PRSS23: variants seen among roughly 807,000 people sequenced by gnomAD.
The protein encoded by PRSS23 is serine protease 23, also known as protease, serine 23.
Under a neutral mutation model 34.7 loss-of-function variants are expected in PRSS23, and 25 were observed. That is an observed-to-expected ratio of 0.72 (90% confidence interval 0.53 to 1.01). PRSS23 has a LOEUF of 1.01. PRSS23 is among the 50% of genes least tolerant of loss of function. The pLI, the probability that PRSS23 is intolerant of heterozygous loss-of-function variation, is 0.00. For missense variants in PRSS23, 445 were observed against 475.6 expected (o/e 0.94, Z 0.60); for synonymous variants, 176 against 186.6 (o/e 0.94, Z 0.46).
At chr11:86,900,781 C>CTCTCTCTTTTTTTTTTTTTTTTTT (rs775258446) in intron 2 of PRSS23, among the ~76,000 whole-genome samples, 1 of 94,020 alleles carries the variant, frequency 1.1e-5, no homozygotes, top group Non-Finnish European at 1.9e-5. Flanking sequence ...ATCTCTCTCT[C>CTCTCTCTTTTTTTTTTTTTTTTTT]TTTTTTTTTT....
intron 2 of PRSS23, among the ~76,000 whole-genome samples, chr11:86,939,410 A>G (rs1949188952): frequency 1.2e-5 from 1 of 85,490 alleles, no homozygotes; most frequent in South Asian, 3.5e-4. Flanking sequence ...AAAAATATAT[A>G]TATATATATA....
intron 2 of PRSS23, chr11:86,832,550 C>T: frequency 2.3e-6 from 1 of 432,708 alleles, no homozygotes; most frequent in Non-Finnish European, 4.6e-6. Flanking sequence ...ATGCAACCAC[C>T]ACAGGACCCT....
chr11:86,841,745 C>G (rs1346197727), intron 2 of PRSS23, among the ~76,000 whole-genome samples: 1 of 152,122 alleles, frequency 6.6e-6, no homozygotes, highest in African/African-American at 2.4e-5. Flanking sequence ...GAAGTTGAAT[C>G]TCTGAATAGA....
chr11:86,826,476 C>A (rs1427328100), intron 2 of PRSS23, among the ~76,000 whole-genome samples: 3 of 152,142 alleles, frequency 2.0e-5, no homozygotes, highest in African/African-American at 7.2e-5. Flanking sequence ...TAATTGAATA[C>A]CCTTTATTTC....
In PRSS23 at chr11:86,907,928, C is replaced by T. The variant is rs60524727; in HGVS notation, c.207-43288C>T. On this transcript the variant is annotated intron_variant, in intron 2 of 2. Coordinates refer to the PRSS23 transcript ENST00000533902. ...TGCAACCACCATCTATTCTCTGCTCCTACAAGTTTGACTATTTCAGATTCC... is the reference window on the plus strand; with the variant it reads ...TGCAACCACCATCTATTCTCTGCTCTTACAAGTTTGACTATTTCAGATTCC... Among the ~76,000 whole-genome samples the T allele has an allele frequency of 1.8e-3, 269 of 152,320 alleles. 1 individual carries two copies. Among genetic ancestry groups the T allele is most frequent in the African/African-American group, 6.2e-3 (259 of 41,580 alleles).
chr11:86,816,307 TA>T (rs546125949), intron 1 of PRSS23, among the ~76,000 whole-genome samples: 1 of 152,232 alleles, frequency 6.6e-6, no homozygotes, highest in Non-Finnish European at 1.5e-5. Flanking sequence ...ATGACTGAGA[TA>T]CATCCCTGTG....
intron 1 of PRSS23, chr11:86,821,622 A>G (rs776498347): frequency 1.3e-6 from 2 of 1,599,202 alleles, no homozygotes; most frequent in Non-Finnish European, 1.7e-6. Context: ...TCATACTTCC[A>G]TAACTTTCAT....
At chr11:86,949,990 T>TA (rs1365763021) in intron 2 of PRSS23, 1 of 152,290 alleles carries the variant, frequency 6.6e-6, no homozygotes, top group Non-Finnish European at 1.5e-5. Flanking sequence ...TCTTATGCTT[T>TA]AAAAAATAAA....
upstream of PRSS23, among the ~76,000 whole-genome samples, chr11:86,796,862 T>C (rs1947984734): frequency 1.3e-5 from 2 of 152,202 alleles, no homozygotes; most frequent in African/African-American, 2.4e-5. Context: ...TTTTTATGCT[T>C]TGAGCTTCAG....
chr11:86,869,705 T>C (rs1004024048), intron 2 of PRSS23, among the ~76,000 whole-genome samples: 5 of 152,180 alleles, frequency 3.3e-5, no homozygotes, highest in African/African-American at 1.2e-4. Context: ...CATAGCATCA[T>C]AGTGCTCACC....
At chr11:86,855,250 G>A (rs969006846) in intron 2 of PRSS23, among the ~76,000 whole-genome samples, 6 of 151,914 alleles carry the variant, frequency 3.9e-5, no homozygotes, top group East Asian at 1.9e-4. Flanking sequence ...TGATTGGAGC[G>A]GAAAGGTAAT....
intron 2 of PRSS23, among the ~76,000 whole-genome samples, chr11:86,877,519 T>C (rs994066491): frequency 5.3e-5 from 8 of 152,212 alleles, no homozygotes; most frequent in Non-Finnish European, 1.2e-4. Context: ...TTATATACAC[T>C]GGAAGGTAAG....
chr11:86,838,897 T>C (rs1948426569), intron 2 of PRSS23, among the ~76,000 whole-genome samples: 1 of 152,036 alleles, frequency 6.6e-6, no homozygotes, highest in Non-Finnish European at 1.5e-5. Flanking sequence ...GCCTGACTGT[T>C]AGAAGGAAAA....
intron 2 of PRSS23, among the ~76,000 whole-genome samples, chr11:86,867,885 A>G (rs909275316): frequency 2.6e-5 from 4 of 151,698 alleles, no homozygotes; most frequent in Non-Finnish European, 5.9e-5. Flanking sequence ...AAAAAAAAAA[A>G]AAAAAATACA....
At chr11:86,840,088 T>A (rs1381156297) in intron 2 of PRSS23, among the ~76,000 whole-genome samples, 1 of 151,928 alleles carries the variant, frequency 6.6e-6, no homozygotes, top group African/African-American at 2.4e-5. Context: ...AGGATCAAAT[T>A]CAAACATAGT....
At chr11:86,941,106 T>G (rs1384311516) in intron 2 of PRSS23, 2 of 152,222 alleles carry the variant, frequency 1.3e-5, no homozygotes, top group African/African-American at 4.8e-5. Flanking sequence ...AAATGAGTTA[T>G]GGTCTTTGGG....
At chr11:86,822,167 G>A (rs905547316) in intron 1 of PRSS23, among the ~76,000 whole-genome samples, 1 of 152,020 alleles carries the variant, frequency 6.6e-6, no homozygotes, top group Admixed American at 6.5e-5. Flanking sequence ...TACTATGCAA[G>A]GCATAGTAGG....
At chr11:86,803,813 A>G (rs111350203) in intron 1 of PRSS23, among the ~76,000 whole-genome samples, 3,463 of 152,278 alleles carry the variant, frequency 0.023, 134 homozygotes, top group African/African-American at 0.079. Flanking sequence ...TGTTTGCTAT[A>G]GGAGTTAAAT....
exon 2 of PRSS23, chr11:86,823,480 T>A: frequency 1.4e-6 from 1 of 702,448 alleles, no homozygotes; most frequent in Non-Finnish European, 2.6e-6. Flanking sequence ...CGAATTCAAT[T>A]CAACCACCAC....
Sources: gnomAD v4.1 joint callset for allele counts (sites outside exome capture counted in the v4.1 genomes callset) on GRCh38, gnomAD v4.1.1 for gene constraint, MANE v1.5 for transcripts, NCBI Gene and HGNC (gene_info 2026-07-23, HGNC 2026-07-21) for gene names.